Variants in HAVCR2 observed in about 807,000 individuals in gnomAD.
HAVCR2 encodes the protein hepatitis A virus cellular receptor 2, also known as T cell immunoglobulin mucin 3.
HAVCR2 carries 13 observed loss-of-function variants against 24.7 expected under a neutral mutation model. The observed-to-expected ratio is 0.53, with a 90% CI of 0.34 to 0.84. The LOEUF is 0.84. HAVCR2 is among the 40% of genes least tolerant of loss of function. HAVCR2 has a pLI of 0.01. For synonymous variants in HAVCR2, 154 were observed against 143.4 expected, an observed-to-expected ratio of 1.07 and a Z score of -0.53; for missense variants, 343 against 371.2, an observed-to-expected ratio of 0.92 and a Z score of 0.62.
At position 157,101,964 on chromosome 5, in the gene HAVCR2, T is replaced by TG. The variant is rs1216112068; in HGVS notation, c.478+2701dup. 5.3e-4 allele frequency among the ~76,000 whole-genome samples: 74 copies of TG among 139,788 alleles called. 2 individuals are homozygous for TG. The highest frequency in any genetic ancestry group is 8.1e-4 in the Non-Finnish European group (51 of 63,106). The allele number at this position is 139,788 out of a possible 152,430, so 91.7% of individuals were successfully genotyped here. ...CTATTTTTTTTTTTTTTTTTTTTTT[T>TG]GGGATGGAATCTCGCTCTGTTTTCC... On this transcript the variant is annotated intron_variant, in intron 3 of 6. Coordinates refer to ENST00000307851, the MANE Select transcript of HAVCR2 (RefSeq NM_032782.5).
At chr5:157,088,901 A>G in intron 6 of HAVCR2, 40 bp downstream of exon 6, 1 of 1,571,738 alleles carries the variant, frequency 6.4e-7, no homozygotes, top group Non-Finnish European at 8.7e-7. Context: ...GGGACTTCCA[A>G]GATTCTCACC....
intron 3 of HAVCR2, among the ~76,000 whole-genome samples, chr5:157,100,985 A>G (rs1757158409): frequency 6.6e-6 from 1 of 151,920 alleles, no homozygotes; most frequent in Non-Finnish European, 1.5e-5. Context: ...AGTCCCAGCT[A>G]CTCAGGAGGC....
Position 157,105,654 on chromosome 5 carries a change from T to TA in HAVCR2, c.395-906dup, listed in dbSNP as rs532514936. Reference sequence around the variant, plus strand: ...AACTTGCTCAGGATTATATAGCTAGTAAGAGGCAGAGTTAGATGTAAACTC... The same window carrying TA: ...AACTTGCTCAGGATTATATAGCTAGTAAAGAGGCAGAGTTAGATGTAAACTC... On this transcript the variant is annotated intron_variant, in intron 2 of 6. Coordinates refer to ENST00000307851, the MANE Select transcript of HAVCR2 (RefSeq NM_032782.5). Among the ~76,000 whole-genome samples, 16 of 152,282 alleles carry TA rather than the reference T, an allele frequency of 1.1e-4. No homozygotes were observed. The South Asian group carries it at 3.3e-3, about 32-fold the overall frequency.
At chr5:157,091,454 A>G (rs1223298985) in intron 5 of HAVCR2, among the ~76,000 whole-genome samples, 1 of 152,144 alleles carries the variant, frequency 6.6e-6, no homozygotes, top group Non-Finnish European at 1.5e-5. Context: ...CTCAAAAAAA[A>G]AAAAAAAGAT....
At chr5:157,089,645 G>A (rs188861236) in intron 5 of HAVCR2, among the ~76,000 whole-genome samples, 1 of 152,218 alleles carries the variant, frequency 6.6e-6, no homozygotes, top group African/African-American at 2.4e-5. Flanking sequence ...ACAGATAATA[G>A]AGAGGGTGGT....
At chr5:157,088,190 G>A (rs1469953819) in intron 6 of HAVCR2, among the ~76,000 whole-genome samples, 4 of 152,328 alleles carry the variant, frequency 2.6e-5, no homozygotes, top group East Asian at 3.9e-4. Context: ...GCTTATAGGC[G>A]TAAGCCACAG....
At chr5:157,094,294 C>G (rs779986772) in intron 5 of HAVCR2, among the ~76,000 whole-genome samples, 6 of 152,196 alleles carry the variant, frequency 3.9e-5, no homozygotes, top group Non-Finnish European at 8.8e-5. Context: ...ATCCTCTCAC[C>G]TCAGCTTCCG....
intron 3 of HAVCR2, among the ~76,000 whole-genome samples, chr5:157,101,610 C>T (rs1421466956): frequency 6.6e-6 from 1 of 152,182 alleles, no homozygotes; most frequent in Non-Finnish European, 1.5e-5. Flanking sequence ...CAAGATCACA[C>T]AGCTATTAAT....
At chr5:157,092,142 ATAT>A in intron 5 of HAVCR2, among the ~76,000 whole-genome samples, 1 of 3,288 alleles carries the variant, frequency 3.0e-4, no homozygotes, top group Non-Finnish European at 4.9e-4. Context: ...GTCATATTAT[ATAT>A]ATATATATAT....
chr5:157,092,834 T>G (rs927685930), intron 5 of HAVCR2, among the ~76,000 whole-genome samples: 1 of 130,992 alleles, frequency 7.6e-6, no homozygotes, highest in Non-Finnish European at 1.5e-5. Flanking sequence ...GCTCAGGAGA[T>G]TGAGACCAAT....
At chr5:157,094,128 A>G (rs1385548489) in intron 5 of HAVCR2, among the ~76,000 whole-genome samples, 2 of 147,202 alleles carry the variant, frequency 1.4e-5, no homozygotes, top group Non-Finnish European at 3.0e-5. Flanking sequence ...CAGCCTCCTG[A>G]GCTCAAGTGA....
At position 157,087,093 on chromosome 5, in the gene HAVCR2, T is replaced by C; in HGVS notation, c.*9A>G. ...CAAAACACCAAGCTCAAAAATAAGG[T>C]GGTTGGATCTATGGCATTGCAAAGC... On this transcript the variant is annotated 3_prime_UTR_variant, in exon 7 of 7. Transcript: ENST00000307851. The C allele has an allele frequency of 6.2e-7, 1 of 1,606,390 alleles. No individual in the cohort carries two copies. Among genetic ancestry groups the C allele is most frequent in the Non-Finnish European group, 8.5e-7 (1 of 1,177,960 alleles).
chr5:157,104,759 G>A lies in HAVCR2; in HGVS notation c.395-10C>T. 5 of 1,565,980 alleles carry A rather than the reference G, an allele frequency of 3.2e-6. No homozygotes were observed. The highest frequency in any genetic ancestry group is 4.4e-6 in the Non-Finnish European group (5 of 1,145,542). Reference sequence around the variant, plus strand: ...GCAGGGGTGACCTTGGCTAATGTCAGAAACAACATAAGGATGAAAATTATC... The same window carrying A: ...GCAGGGGTGACCTTGGCTAATGTCAAAAACAACATAAGGATGAAAATTATC... On this transcript the variant is annotated splice_polypyrimidine_tract_variant and intron_variant, in intron 2 of 6. Coordinates refer to ENST00000307851, the MANE Select transcript of HAVCR2 (RefSeq NM_032782.5).
intron 5 of HAVCR2, among the ~76,000 whole-genome samples, chr5:157,089,454 T>C (rs1388460726): frequency 4.6e-5 from 7 of 151,050 alleles, no homozygotes; most frequent in Non-Finnish European, 4.4e-5. Flanking sequence ...GAGAATCACA[T>C]GAACCCGGGA....
chr5:157,088,923 C>G lies in HAVCR2; in HGVS notation c.713+18G>C. The G allele has an allele frequency of 1.2e-6, 2 of 1,605,102 alleles. No homozygotes were observed. On this transcript the variant is annotated intron_variant, in intron 6 of 6. Coordinates refer to ENST00000307851, the MANE Select transcript of HAVCR2 (RefSeq NM_032782.5). Reference sequence around the variant, plus strand: ...CCAAGATTCTCACCTTTTCCCAACCCCATTCCATTATTCTTACCTTAAATT... The same window carrying G: ...CCAAGATTCTCACCTTTTCCCAACCGCATTCCATTATTCTTACCTTAAATT...
rs2902306 is a variant in HAVCR2, at chr5:157,104,550, C to G, written c.478+116G>C. On this transcript the variant is annotated intron_variant, in intron 3 of 6. Coordinates refer to ENST00000307851, the MANE Select transcript of HAVCR2 (RefSeq NM_032782.5). ...CTTTTCAAACACTATTTCAGGTGCA[C>G]GGAGATATCCATGCCTCCACTCTCA... The G allele has an allele frequency of 1.5e-5, 10 of 645,860 alleles. No individual in the cohort carries two copies. In the Admixed American group the frequency reaches 2.4e-4, roughly 16 times the overall value. 40.0% of individuals were successfully genotyped at this position (645,860 alleles called of 1,614,324 possible). A position where few individuals can be genotyped will look rare whatever the true frequency, so the allele number is the denominator to read the frequency against.
intron 5 of HAVCR2, 24 bp from the exon 6 acceptor site, chr5:157,089,001 A>G (rs1305062146): frequency 1.3e-6 from 2 of 1,589,942 alleles, no homozygotes; most frequent in African/African-American, 2.7e-5. Flanking sequence ...AACAAAAGCC[A>G]ATAAAAATGC....
chr5:157,099,873 T>G (rs1757144979), intron 3 of HAVCR2, among the ~76,000 whole-genome samples: 1 of 152,118 alleles, frequency 6.6e-6, no homozygotes, highest in South Asian at 2.1e-4. Flanking sequence ...TTTTTGTATT[T>G]TTAGTAGAGA....
intron 4 of HAVCR2, 107 bp from the exon 5 acceptor site, chr5:157,095,566 GGC>G: frequency 8.2e-7 from 1 of 1,222,038 alleles, no homozygotes; most frequent in South Asian, 1.4e-5. Context: ...ATCACAGGAT[GGC>G]TGAGTCCTTC....
Sources: gnomAD v4.1 joint callset for allele counts (sites outside exome capture counted in the v4.1 genomes callset) on GRCh38, gnomAD v4.1.1 for gene constraint, MANE v1.5 for transcripts, NCBI Gene and HGNC (gene_info 2026-07-23, HGNC 2026-07-21) for gene names.